The following SAMM50 variants were observed in gnomAD, a reference collection of about 807,000 sequenced individuals.
SAMM50 encodes SAMM50 sorting and assembly machinery component.
In SAMM50, 47 loss-of-function variants were observed where a neutral mutation model predicts 66.9. The ratio of observed to expected loss-of-function variants is 0.70; its 90% CI spans 0.56 to 0.90. SAMM50 has a LOEUF of 0.90. Ranked by LOEUF, SAMM50 falls within the 40% of genes least tolerant of loss-of-function variation. The probability of loss-of-function intolerance (pLI) is 0.00; values close to 1 mark genes in which losing one functional copy is unlikely to be tolerated. For missense variants in SAMM50, 535 were observed against 595.3 expected, an observed-to-expected ratio of 0.90 and a Z score of 1.05; for synonymous variants, 191 against 214.1, an observed-to-expected ratio of 0.89 and a Z score of 0.94.
intron 8 of SAMM50, 45 bp downstream of exon 8, chr22:43,976,228 C>A: frequency 6.3e-7 from 1 of 1,574,886 alleles, no homozygotes; most frequent in Non-Finnish European, 8.7e-7. Flanking sequence ...GTTGATGGAA[C>A]CATGCTATGC....
At position 43,978,065 on chromosome 22, in the gene SAMM50, G is replaced by T. The variant is rs58133810; in HGVS notation, c.936+107G>T. On this transcript the variant is annotated intron_variant, in intron 10 of 14. Transcript: ENST00000350028. ...TCTAAAGCACAGAGTGGAAGCCTGGGCGGTAATGCTTAACCTTTGATGTTT... is the reference window on the plus strand; with the variant it reads ...TCTAAAGCACAGAGTGGAAGCCTGGTCGGTAATGCTTAACCTTTGATGTTT... 2.2e-3 allele frequency: 1,582 copies of T among 725,104 alleles called. 17 individuals are homozygous for T. The African/African-American group carries it at 0.025, about 11-fold the overall frequency. 44.9% of individuals were successfully genotyped at this position (725,104 alleles called of 1,614,324 possible). A position where few individuals can be genotyped will look rare whatever the true frequency, so the allele number is the denominator to read the frequency against.
At chr22:43,955,754 C>T (rs562927275) in intron 1 of SAMM50, among the ~76,000 whole-genome samples, 156 bp downstream of exon 1, 1 of 152,332 alleles carries the variant, frequency 6.6e-6, no homozygotes, top group African/African-American at 2.4e-5. Context: ...AAGAGGTCGC[C>T]TCGGGCCAGC....
chr22:43,976,799 G>C lies in SAMM50; in HGVS notation c.827G>C (p.Gly276Ala). 6.2e-7 allele frequency: 1 copy of C among 1,612,472 alleles called. No individual in the cohort carries two copies. Among genetic ancestry groups the C allele is most frequent in the Non-Finnish European group, 8.5e-7 (1 of 1,179,172 alleles). The change falls in exon 9 of 15, where the codon GGT becomes GCT. Residue 276 changes from glycine to alanine, a missense_variant. Coordinates refer to ENST00000350028, the MANE Select transcript of SAMM50 (RefSeq NM_015380.5). ...AATTCTTCCATCTTACCAAGGAGAG[G>C]TGCTTTGCTGAAAGTTAACCAGGTA... ...SRNSSILPRR[G>A]ALLKVNQELA... is the part of the protein sequence containing the mutation.
Position 43,976,609 on chromosome 22 carries a change from C to G in SAMM50, c.778-141C>G, listed in dbSNP as rs935248084. ...TGTAAGATAGGGACAGTCACCCTCACTTCCTCCAAGGGCTCTGTGAACACG... is the reference window on the plus strand; with the variant it reads ...TGTAAGATAGGGACAGTCACCCTCAGTTCCTCCAAGGGCTCTGTGAACACG... On this transcript the variant is annotated intron_variant, in intron 8 of 14. Coordinates refer to ENST00000350028, the MANE Select transcript of SAMM50 (RefSeq NM_015380.5). The G allele has an allele frequency of 1.2e-3, 802 of 678,828 alleles. 10 individuals are homozygous for G. Among genetic ancestry groups the G allele is most frequent in the Non-Finnish European group, 9.2e-5 (35 of 379,752 alleles). 42.1% of individuals were successfully genotyped at this position (678,828 alleles called of 1,614,324 possible). A position where few individuals can be genotyped will look rare whatever the true frequency, so the allele number is the denominator to read the frequency against.
chr22:43,956,316 G>C (rs1489381477), intron 1 of SAMM50, among the ~76,000 whole-genome samples: 2 of 152,154 alleles, frequency 1.3e-5, no homozygotes, highest in Non-Finnish European at 2.9e-5. Context: ...CTGAGTCTCA[G>C]CCCCAACACT....
In SAMM50 at chr22:43,968,769, C is replaced by T. The variant is rs1374188496; in HGVS notation, c.273C>T (p.Leu91=). 2.5e-6 allele frequency: 4 copies of T among 1,613,558 alleles called. No homozygotes were observed. Among genetic ancestry groups the T allele is most frequent in the Non-Finnish European group, 8.5e-7 (1 of 1,179,452 alleles). The change falls in exon 4 of 15, where the codon CTC becomes CTT. Residue 91 remains leucine (L), a synonymous_variant. Transcript: ENST00000350028. ...RKSHEAREKL[L]RLGIFRQVDV... The stretch of plus-strand genomic sequence containing the variant: ...CTCATGAAGCCCGTGAAAAATTGCT[C>T]CGTCTTGGAATTTTTAGACAAGTGG...
intron 1 of SAMM50, among the ~76,000 whole-genome samples, chr22:43,959,507 T>C (rs1296469518): frequency 1.4e-5 from 2 of 138,492 alleles, no homozygotes; most frequent in African/African-American, 5.6e-5. Context: ...TTTTTTATAT[T>C]ACACACACAC....
chr22:43,962,710 C>A (rs1429452890), intron 1 of SAMM50, among the ~76,000 whole-genome samples: 2 of 152,076 alleles, frequency 1.3e-5, no homozygotes, highest in Non-Finnish European at 2.9e-5. Flanking sequence ...CTTTCTGTAA[C>A]AACAGGAGAG....
intron 10 of SAMM50, 101 bp from the exon 11 acceptor site, chr22:43,981,290 C>G: frequency 1.1e-6 from 1 of 913,314 alleles, no homozygotes; most frequent in South Asian, 1.3e-5. Context: ...CGGAGCTCTG[C>G]ACGCCACGGG....
Position 43,972,982 on chromosome 22 carries a change from C to A in SAMM50, c.541C>A (p.Pro181Thr), listed in dbSNP as rs535356871. Reference protein sequence around the residue: ...SYGLSFFKPRPGNFERNFSVN... With the variant: ...SYGLSFFKPRTGNFERNFSVN... ...TGGCCTGTCCTTCTTCAAACCACGG[C>A]CCGGAAACTTCGAAAGAAAGTAGGA... The change falls in exon 6 of 15, where the codon CCC becomes ACC. Residue 181 changes from proline to threonine, a missense_variant. Coordinates refer to ENST00000350028, the MANE Select transcript of SAMM50 (RefSeq NM_015380.5). 5 of 1,590,402 alleles carry A rather than the reference C, an allele frequency of 3.1e-6. No homozygotes were observed. In the South Asian group the frequency reaches 4.7e-5, roughly 15 times the overall value.
intron 14 of SAMM50, among the ~76,000 whole-genome samples, chr22:43,995,820 C>T (rs958190045): frequency 8.5e-5 from 13 of 152,212 alleles, no homozygotes; most frequent in African/African-American, 2.9e-4. Context: ...ACCAATGTGA[C>T]CTTTGCATCC....
chr22:43,962,010 G>A (rs926594206), intron 1 of SAMM50, among the ~76,000 whole-genome samples: 2 of 152,230 alleles, frequency 1.3e-5, no homozygotes, highest in Middle Eastern at 3.4e-3. Flanking sequence ...CTGTGTGTGT[G>A]TGTGTATGTG....
chr22:43,996,071 T>G, intron 14 of SAMM50: 1 of 541,494 alleles, frequency 1.8e-6, no homozygotes, highest in Non-Finnish European at 3.3e-6. Context: ...GTGAAGGAGG[T>G]GAGGAGGGAG....
chr22:43,975,181 T>G (rs1011995612), intron 7 of SAMM50: 2 of 149,186 alleles, frequency 1.3e-5, no homozygotes, highest in Admixed American at 6.7e-5. Flanking sequence ...AGGCTGCCCC[T>G]CCTGTACCAT....
In SAMM50 at chr22:43,976,094, G is replaced by T. The variant is rs749649786; in HGVS notation, c.688G>T (p.Gly230Cys). ...WKTSHTVKWE[G>C]VWRELGCLSR... ...GACCAGCCACACTGTCAAGTGGGAA[G>T]GCGTATGGCGAGAACTGGGCTGCCT... Residue 230 changes from glycine (G) to cysteine (C), a missense_variant, in exon 8 of 15, where the codon GGC becomes TGC. Gly to Cys is a radical substitution (Grantham distance 159). Transcript: ENST00000350028. 4 of 1,612,888 alleles carry T rather than the reference G, an allele frequency of 2.5e-6. No individual in the cohort carries two copies. The highest frequency in any genetic ancestry group is 3.4e-6 in the Non-Finnish European group (4 of 1,179,008).
chr22:43,974,457 T>A (rs738493), intron 7 of SAMM50: 1 of 151,756 alleles, frequency 6.6e-6, no homozygotes, highest in African/African-American at 2.4e-5. Flanking sequence ...TGGCGCAGTT[T>A]AGGTGCTTGA....
intron 1 of SAMM50, among the ~76,000 whole-genome samples, chr22:43,960,677 C>T (rs569804373): frequency 6.6e-6 from 1 of 151,930 alleles, no homozygotes. Flanking sequence ...TGCAGTGAGC[C>T]GAGATTGCGC....
intron 1 of SAMM50, among the ~76,000 whole-genome samples, chr22:43,962,881 ATTTTT>A (rs58022542): frequency 7.6e-5 from 5 of 65,518 alleles, no homozygotes; most frequent in Admixed American, 3.9e-4. Context: ...CTTTTGGTTA[ATTTTT>A]TTTTTTTTTT....
intron 4 of SAMM50, among the ~76,000 whole-genome samples, chr22:43,970,894 G>A (rs939580937): frequency 6.6e-6 from 1 of 152,094 alleles, no homozygotes; most frequent in Non-Finnish European, 1.5e-5. Flanking sequence ...GTGCCAGGCG[G>A]GGTGGCTCAC....
Sources: gnomAD v4.1 joint callset for allele counts (sites outside exome capture counted in the v4.1 genomes callset) on GRCh38, gnomAD v4.1.1 for gene constraint, MANE v1.5 for transcripts, NCBI Gene and HGNC (gene_info 2026-07-23, HGNC 2026-07-21) for gene names.